The following PHF21B variants were observed in gnomAD, a reference collection of about 807,000 sequenced individuals.
The protein encoded by PHF21B is PHD finger protein 4.
PHF21B carries 22 observed loss-of-function variants against 62.2 expected under a neutral mutation model. The observed-to-expected ratio is 0.35, with a 90% CI of 0.25 to 0.51. PHF21B has a LOEUF of 0.51. Ranked by LOEUF, PHF21B falls within the 20% of genes least tolerant of loss-of-function variation. The probability of loss-of-function intolerance (pLI) is 0.97; values close to 1 mark genes in which losing one functional copy is unlikely to be tolerated. For missense variants in PHF21B, 701 were observed against 707.9 expected (o/e 0.99, Z 0.11); for synonymous variants, 341 against 314.7 (o/e 1.08, Z -0.88).
intron 2 of PHF21B, among the ~76,000 whole-genome samples, chr22:44,962,765 C>T (rs1450993322): frequency 6.6e-6 from 1 of 152,078 alleles, no homozygotes; most frequent in East Asian, 1.9e-4. Context: ...GAGCTGCCTG[C>T]AGGTGCCTCA....
intron 2 of PHF21B, among the ~76,000 whole-genome samples, chr22:44,991,136 G>A (rs1188601547): frequency 3.3e-5 from 5 of 152,206 alleles, no homozygotes; most frequent in African/African-American, 7.2e-5. Context: ...CCAGGTTAGC[G>A]CATCCTTCAG....
At chr22:44,936,885 T>TC (rs1448259613) in intron 2 of PHF21B, among the ~76,000 whole-genome samples, 2 of 149,194 alleles carry the variant, frequency 1.3e-5, no homozygotes, top group Non-Finnish European at 3.0e-5. Context: ...TTTTTTTTTT[T>TC]TCCTGAGATG....
chr22:44,895,952 C>T (rs927598097), intron 6 of PHF21B, 80 bp downstream of exon 6: 15 of 1,487,346 alleles, frequency 1.0e-5, no homozygotes, highest in Middle Eastern at 1.9e-4. Context: ...CCAGACCACC[C>T]ATCATCACAC....
intron 3 of PHF21B, among the ~76,000 whole-genome samples, chr22:44,919,164 G>C (rs549706636): frequency 9.5e-4 from 144 of 152,192 alleles, no homozygotes; most frequent in Non-Finnish European, 1.8e-3. Context: ...CCAGGTGTGT[G>C]GCAAGTCTCC....
chr22:44,950,995 A>C (rs1480930221), intron 2 of PHF21B, among the ~76,000 whole-genome samples: 1 of 152,186 alleles, frequency 6.6e-6, no homozygotes, highest in Non-Finnish European at 1.5e-5. Context: ...CGCAGCCTAA[A>C]ATAAGCATCA....
chr22:44,883,375 C>T (rs773190330), intron 12 of PHF21B, 71 bp from the exon 13 acceptor site: 2 of 1,439,082 alleles, frequency 1.4e-6, no homozygotes, highest in South Asian at 2.5e-5. Context: ...CAGCCACCGT[C>T]TGGGCCCCTC....
intron 5 of PHF21B, among the ~76,000 whole-genome samples, chr22:44,899,859 A>T (rs2071126789): frequency 6.6e-6 from 1 of 152,102 alleles, no homozygotes; most frequent in Admixed American, 6.5e-5. Flanking sequence ...GCAATGCCAA[A>T]TTCTCTTATT....
intron 2 of PHF21B, among the ~76,000 whole-genome samples, chr22:44,957,443 G>A (rs2147406272): frequency 6.6e-6 from 1 of 152,294 alleles, no homozygotes; most frequent in African/African-American, 2.4e-5. Flanking sequence ...CCTTCCTCTG[G>A]GGCTTGCCAC....
chr22:44,969,827 T>C (rs986610176), intron 2 of PHF21B, among the ~76,000 whole-genome samples: 2 of 152,176 alleles, frequency 1.3e-5, no homozygotes, highest in African/African-American at 2.4e-5. Flanking sequence ...TAAGGGCCTA[T>C]AGTGTCCCAT....
chr22:44,993,839 G>A (rs940430271), intron 2 of PHF21B, among the ~76,000 whole-genome samples: 31 of 152,190 alleles, frequency 2.0e-4, no homozygotes, highest in African/African-American at 7.2e-4. Context: ...TCAGCTGGCT[G>A]GTTTTCAAAA....
chr22:44,922,105 A>C (rs1480875295), intron 2 of PHF21B, among the ~76,000 whole-genome samples: 2 of 152,326 alleles, frequency 1.3e-5, no homozygotes, highest in African/African-American at 4.8e-5. Context: ...AGAAATTCTT[A>C]ACAGAATGTT....
chr22:44,955,402 T>C (rs1242859452), intron 2 of PHF21B, among the ~76,000 whole-genome samples: 3 of 152,180 alleles, frequency 2.0e-5, no homozygotes, highest in African/African-American at 7.2e-5. Flanking sequence ...CTGACCTGGC[T>C]AAGGGGTGCC....
intron 2 of PHF21B, among the ~76,000 whole-genome samples, chr22:44,988,314 T>TA (rs1264372443): frequency 6.6e-6 from 1 of 152,022 alleles, no homozygotes; most frequent in Non-Finnish European, 1.5e-5. Context: ...AAAAAATAAT[T>TA]AGACGAGTGT....
rs528828562 is a variant in PHF21B at position 44,899,042 on chromosome 22, G to A, written c.832-2959C>T. 2.6e-3 allele frequency among the ~76,000 whole-genome samples: 403 copies of A among 152,198 alleles called. 2 individuals are homozygous for A. The highest frequency in any genetic ancestry group is 9.3e-3 in the African/African-American group (388 of 41,524). ...CACACGTTCAGTTCTCAAGGCTTTA[G>A]GGTCTATTTTAATATCCGGGAGGAT... On this transcript the variant is annotated intron_variant, in intron 5 of 12. Coordinates refer to ENST00000313237, the MANE Select transcript of PHF21B (RefSeq NM_138415.5).
intron 2 of PHF21B, among the ~76,000 whole-genome samples, chr22:44,989,871 A>T (rs2073015379): frequency 6.6e-6 from 1 of 152,142 alleles, no homozygotes; most frequent in Non-Finnish European, 1.5e-5. Flanking sequence ...TGGCCTCCCA[A>T]AGTACTGGGA....
intron 2 of PHF21B, among the ~76,000 whole-genome samples, chr22:44,972,542 T>C (rs2072660161): frequency 6.6e-6 from 1 of 152,136 alleles, no homozygotes; most frequent in East Asian, 1.9e-4. Flanking sequence ...GGCTGCTCAG[T>C]GGAACCAGGA....
chr22:44,942,621 G>A (rs564688117), intron 2 of PHF21B, among the ~76,000 whole-genome samples: 6 of 152,296 alleles, frequency 3.9e-5, no homozygotes, highest in African/African-American at 1.2e-4. Flanking sequence ...GGGCACCGAG[G>A]TCTGTGGCCC....
At chr22:44,907,648 G>A (rs532040509) in intron 5 of PHF21B, among the ~76,000 whole-genome samples, 5 of 152,354 alleles carry the variant, frequency 3.3e-5, no homozygotes, top group African/African-American at 4.8e-5. Context: ...CGGGAAGGGC[G>A]GAACACAGCT....
At chr22:44,911,396 T>A (rs1380682130) in intron 5 of PHF21B, among the ~76,000 whole-genome samples, 1 of 152,176 alleles carries the variant, frequency 6.6e-6, no homozygotes, top group African/African-American at 2.4e-5. Context: ...CAGCAGCCCC[T>A]CCCATTGTAG....
Sources: gnomAD v4.1 joint callset for allele counts (sites outside exome capture counted in the v4.1 genomes callset) on GRCh38, gnomAD v4.1.1 for gene constraint, MANE v1.5 for transcripts, NCBI Gene and HGNC (gene_info 2026-07-23, HGNC 2026-07-21) for gene names.